The following C2orf78 variants were observed in gnomAD, a reference collection of about 807,000 sequenced individuals.
The protein encoded by C2orf78 is uncharacterized protein C2orf78.
In C2orf78, 12 loss-of-function variants were observed where a neutral mutation model predicts 21.4. That is an observed-to-expected ratio of 0.56 (90% CI 0.36 to 0.91). The LOEUF (loss-of-function observed/expected upper bound fraction) is 0.91. Among genes scored for constraint, C2orf78 ranks in the 40% least tolerant of loss-of-function variants. The pLI, the probability that C2orf78 is intolerant of heterozygous loss-of-function variation, is 0.01. For missense variants in C2orf78, 1,042 were observed against 1,092.4 expected, an observed-to-expected ratio of 0.95 and a Z score of 0.65; for synonymous variants, 396 against 413.9, an observed-to-expected ratio of 0.96 and a Z score of 0.52.
chr2:73,786,246 G>A (rs1334241949), intron 1 of C2orf78, among the ~76,000 whole-genome samples: 4 of 151,626 alleles, frequency 2.6e-5, no homozygotes, highest in Non-Finnish European at 5.9e-5. Context: ...TGGGTGTGGT[G>A]GCGTGCACCT....
intron 1 of C2orf78, among the ~76,000 whole-genome samples, chr2:73,810,844 A>G (rs1471132440): frequency 7.3e-6 from 1 of 136,814 alleles, no homozygotes; most frequent in Non-Finnish European, 1.5e-5. Flanking sequence ...TATATATATT[A>G]CATGTATATT....
chr2:73,816,420 C>A, exon 3 of C2orf78: 1 of 1,613,952 alleles, frequency 6.2e-7, no homozygotes, highest in Non-Finnish European at 8.5e-7. Flanking sequence ...TCAAGCTCGA[C>A]ATGTTTCTCG....
intron 2 of C2orf78, 147 bp downstream of exon 2, chr2:73,814,373 G>C: frequency 2.2e-6 from 2 of 891,992 alleles, no homozygotes; most frequent in Non-Finnish European, 1.7e-6. Context: ...TCCATTTTCA[G>C]ACTCTATATA....
chr2:73,784,537 C>A (rs1672885635), intron 1 of C2orf78, 131 bp downstream of exon 1: 1 of 650,010 alleles, frequency 1.5e-6, no homozygotes, highest in Non-Finnish European at 2.5e-6. Context: ...CCAGAGACCT[C>A]ATTTCAGTTT....
In C2orf78 at chr2:73,813,842, GC is replaced by G; in HGVS notation, c.464del (p.Ala155ValfsTer7). ...TGTGACTGTCATTGATCAGAACACA[GC>G]TGTCTCTTCCATGTCTATGACAGCC... On this transcript the variant is annotated frameshift_variant, in exon 2 of 3. Coordinates refer to ENST00000409561, the Ensembl canonical transcript of C2orf78. LOFTEE classifies it high-confidence loss of function. The G allele has an allele frequency of 6.2e-7, 1 of 1,613,980 alleles. No individual in the cohort carries two copies.
exon 3 of C2orf78, chr2:73,816,557 A>G (rs757456668): frequency 1.2e-6 from 2 of 1,613,644 alleles, no homozygotes; most frequent in South Asian, 2.2e-5. Flanking sequence ...CATCTTTGAC[A>G]GGTCCTGCCA....
chr2:73,817,084 C>T (rs1673220260), exon 3 of C2orf78: 1 of 1,276,974 alleles, frequency 7.8e-7, no homozygotes, highest in South Asian at 1.9e-5. Context: ...ATTTTTAAAA[C>T]ATAATAAAGA....
At chr2:73,810,860 T>A (rs1424707574) in intron 1 of C2orf78, among the ~76,000 whole-genome samples, 1 of 138,088 alleles carries the variant, frequency 7.2e-6, no homozygotes, top group Non-Finnish European at 1.5e-5. Context: ...ATATTATATA[T>A]AATATACATA....
At chr2:73,813,855 T>A (rs184000261) in exon 2 of C2orf78, 1 of 1,613,986 alleles carries the variant, frequency 6.2e-7, no homozygotes, top group South Asian at 1.1e-5. Context: ...GTCTCTTCCA[T>A]GTCTATGACA....
At chr2:73,813,945 C>T in exon 2 of C2orf78, 1 of 1,614,046 alleles carries the variant, frequency 6.2e-7, no homozygotes, top group South Asian at 1.1e-5. Flanking sequence ...GTTCAGGGGA[C>T]ACTAACTCAA....
chr2:73,817,080 A>T (rs1673220073), exon 3 of C2orf78: 1 of 1,335,918 alleles, frequency 7.5e-7, no homozygotes, highest in Non-Finnish European at 9.9e-7. Flanking sequence ...ATATATTTTT[A>T]AAACATAATA....
exon 3 of C2orf78, chr2:73,816,882 C>G: frequency 6.2e-7 from 1 of 1,613,860 alleles, no homozygotes; most frequent in Non-Finnish European, 8.5e-7. Flanking sequence ...GAGAAAGGCT[C>G]AACAAGAGCG....
intron 1 of C2orf78, among the ~76,000 whole-genome samples, chr2:73,785,970 C>A (rs187489931): frequency 7.3e-4 from 110 of 151,724 alleles, no homozygotes; most frequent in Admixed American, 1.1e-3. Flanking sequence ...CACTTGAACC[C>A]GAGAGGCAAA....
At chr2:73,809,834 A>G (rs893989805) in intron 1 of C2orf78, among the ~76,000 whole-genome samples, 12 of 152,164 alleles carry the variant, frequency 7.9e-5, no homozygotes, top group African/African-American at 2.9e-4. Flanking sequence ...GGACATTCCT[A>G]TCTAAACTAG....
exon 3 of C2orf78, chr2:73,816,056 A>G (rs1673188995): frequency 8.1e-6 from 13 of 1,613,838 alleles, no homozygotes; most frequent in Non-Finnish European, 1.1e-5. Context: ...AGAAAAATCA[A>G]CCTGAGCTTA....
In C2orf78 at chr2:73,786,217, T is replaced by A. The variant is rs370304090; in HGVS notation, c.97+1811T>A. ...CAACATGGTGAAACCCCATTTCTCCTGAAAATATAAGAATTAGCTGGGTGT... is the reference window on the plus strand; with the variant it reads ...CAACATGGTGAAACCCCATTTCTCCAGAAAATATAAGAATTAGCTGGGTGT... On this transcript the variant is annotated intron_variant, in intron 1 of 2. Transcript: ENST00000409561. 1.3e-4 allele frequency among the ~76,000 whole-genome samples: 20 copies of A among 151,816 alleles called. No individual in the cohort carries two copies. The South Asian group carries it at 2.7e-3, about 21-fold the overall frequency.
At chr2:73,815,238 G>A (rs1158441182) in exon 3 of C2orf78, 2 of 1,613,812 alleles carry the variant, frequency 1.2e-6, no homozygotes, top group Admixed American at 3.3e-5. Context: ...AATAACTCCA[G>A]TCCAGAGTCC....
exon 3 of C2orf78, chr2:73,815,148 C>T: frequency 6.2e-7 from 1 of 1,613,960 alleles, no homozygotes; most frequent in Non-Finnish European, 8.5e-7. Context: ...GCCACAAACT[C>T]CAGAATTCTC....
At chr2:73,809,645 A>T (rs572133581) in intron 1 of C2orf78, among the ~76,000 whole-genome samples, 507 of 152,158 alleles carry the variant, frequency 3.3e-3, no homozygotes, top group Middle Eastern at 0.01. Context: ...AAACTCAGCC[A>T]GGGTTGGGGG....
Sources: gnomAD v4.1 joint callset for allele counts (sites outside exome capture counted in the v4.1 genomes callset) on GRCh38, gnomAD v4.1.1 for gene constraint, MANE v1.5 for transcripts, NCBI Gene and HGNC (gene_info 2026-07-23, HGNC 2026-07-21) for gene names.